The following PPFIBP2 variants were observed in gnomAD, a reference collection of about 807,000 sequenced individuals.
PPFIBP2 encodes PPFIB scaffold protein 2.
A neutral mutation model predicts 118.3 loss-of-function variants in PPFIBP2; 118 were observed. The ratio of observed to expected loss-of-function variants is 1.00; its 90% CI spans 0.86 to 1.16. The LOEUF (loss-of-function observed/expected upper bound fraction) is 1.16, where lower values mean the gene tolerates loss of function less well. Among genes scored for constraint, PPFIBP2 ranks in the 50% most tolerant of loss-of-function variants. The pLI, the probability that PPFIBP2 is intolerant of heterozygous loss-of-function variation, is 0.00. For synonymous variants in PPFIBP2, 414 were observed against 397.4 expected (o/e 1.04, Z -0.50); for missense variants, 1,195 against 1,073.1 (o/e 1.11, Z -1.59).
intron 9 of PPFIBP2, among the ~76,000 whole-genome samples, chr11:7,628,657 T>C (rs1052913576): frequency 6.6e-5 from 10 of 152,324 alleles, no homozygotes; most frequent in African/African-American, 2.4e-4. Context: ...CTGGAACTCC[T>C]AGCACAACAG....
chr11:7,636,554 G>A (rs1193414186), intron 14 of PPFIBP2, among the ~76,000 whole-genome samples: 1 of 152,058 alleles, frequency 6.6e-6, no homozygotes, highest in East Asian at 1.9e-4. Flanking sequence ...GGCGTCAGCT[G>A]TTAAATCGCT....
downstream of PPFIBP2, among the ~76,000 whole-genome samples, chr11:7,654,123 G>T (rs1373181850): frequency 1.6e-4 from 24 of 152,212 alleles, no homozygotes; most frequent in Admixed American, 1.6e-3. Context: ...CACCTTGCTG[G>T]AAAGACTCTC....
chr11:7,661,398 G>C (rs1319629765), downstream of PPFIBP2, among the ~76,000 whole-genome samples: 10 of 151,316 alleles, frequency 6.6e-5, no homozygotes, highest in Admixed American at 5.9e-4. Context: ...CCTTCATTTC[G>C]TTATGTTCCA....
chr11:7,589,588 T>G (rs995113714), intron 3 of PPFIBP2, among the ~76,000 whole-genome samples: 1 of 151,222 alleles, frequency 6.6e-6, no homozygotes, highest in Non-Finnish European at 1.5e-5. Context: ...CAAGACTCTG[T>G]CTCAAAAAGA....
chr11:7,630,952 A>G lies in PPFIBP2; in HGVS notation c.992A>G (p.Asn331Ser). The G allele has an allele frequency of 1.2e-6, 2 of 1,614,144 alleles. No homozygotes were observed. Among genetic ancestry groups the G allele is most frequent in the South Asian group, 1.1e-5 (1 of 91,078 alleles). Residue 331 changes from asparagine to serine, a missense_variant, in exon 11 of 24, where the codon AAT becomes AGT. Transcript: ENST00000299492. ...QGPSERTLSI[N>S]EEEPEGGFSK... ...CCTTCGGAGAGAACTCTCTCAATCA[A>G]TGAAGAAGAACCGGAGGGAGGTTTC... is the stretch of plus-strand genomic sequence containing the variant.
intron 7 of PPFIBP2, among the ~76,000 whole-genome samples, chr11:7,623,230 G>A (rs1046588322): frequency 6.6e-6 from 1 of 152,110 alleles, no homozygotes; most frequent in African/African-American, 2.4e-5. Context: ...GTCTCTGAAG[G>A]GGATTCATCT....
Position 7,518,840 on chromosome 11 carries a change from TG to T in PPFIBP2, c.-37+4723del, listed in dbSNP as rs919753189. The stretch of plus-strand genomic sequence containing the variant: ...TCTAGCACTGGCGCTGAAGTGAGGG[TG>T]GGGCATGAGCCAAAGATGGCGCTCG... On this transcript the variant is annotated intron_variant, in intron 1 of 23. Transcript: ENST00000299492. Among the ~76,000 whole-genome samples, 8 of 152,060 alleles carry T rather than the reference TG, an allele frequency of 5.3e-5. 1 individual carries two copies. The highest frequency in any genetic ancestry group is 3.3e-4 in the Admixed American group (5 of 15,262).
intron 5 of PPFIBP2, among the ~76,000 whole-genome samples, chr11:7,599,028 T>C (rs911913913): frequency 2.9e-4 from 44 of 150,814 alleles, no homozygotes; most frequent in African/African-American, 8.6e-4. Context: ...CATTTGATTT[T>C]CTACTTAGGT....
chr11:7,518,048 C>T (rs1849395199), intron 1 of PPFIBP2, among the ~76,000 whole-genome samples: 1 of 152,236 alleles, frequency 6.6e-6, no homozygotes, highest in African/African-American at 2.4e-5. Context: ...TAGGAGGCTT[C>T]TGTGTGGAGC....
chr11:7,568,526 T>C (rs956726818), intron 3 of PPFIBP2, among the ~76,000 whole-genome samples: 1 of 152,168 alleles, frequency 6.6e-6, no homozygotes, highest in African/African-American at 2.4e-5. Flanking sequence ...TTAGCTGCAG[T>C]GGCCAGAATT....
chr11:7,656,581 C>G (rs1362203133), downstream of PPFIBP2: 1 of 399,586 alleles, frequency 2.5e-6, no homozygotes, highest in East Asian at 7.4e-5. Context: ...ACCCAATACT[C>G]AGGGTTTCTT....
downstream of PPFIBP2, chr11:7,655,277 C>A: frequency 2.4e-6 from 1 of 425,190 alleles, no homozygotes; most frequent in Non-Finnish European, 4.5e-6. Flanking sequence ...CTCCACCCAC[C>A]TGTCACTCCT....
At chr11:7,599,159 G>GA (rs1256851806) in intron 5 of PPFIBP2, among the ~76,000 whole-genome samples, 3 of 151,518 alleles carry the variant, frequency 2.0e-5, no homozygotes, top group African/African-American at 4.9e-5. Flanking sequence ...TAGCCTGATG[G>GA]AAAAAAATCT....
chr11:7,607,055 T>C (rs1158509197), intron 5 of PPFIBP2, among the ~76,000 whole-genome samples: 1 of 149,346 alleles, frequency 6.7e-6, no homozygotes, highest in Non-Finnish European at 1.5e-5. Context: ...GGACTACAGG[T>C]GCCCACCACC....
chr11:7,549,690 T>A, intron 2 of PPFIBP2, 151 bp downstream of exon 2: 1 of 819,012 alleles, frequency 1.2e-6, no homozygotes. Flanking sequence ...ATGTAATCTC[T>A]TTTTTTTCTT....
intron 10 of PPFIBP2, among the ~76,000 whole-genome samples, chr11:7,630,653 G>A (rs1335062089): frequency 1.3e-5 from 2 of 152,148 alleles, no homozygotes; most frequent in African/African-American, 2.4e-5. Context: ...GTCACTCTCA[G>A]GGCCTTGATT....
rs542662933 is a variant in PPFIBP2 at position 7,644,214 on chromosome 11, A to G, written c.1646+1788A>G. Among the ~76,000 whole-genome samples, 11 of 152,252 alleles carry G rather than the reference A, an allele frequency of 7.2e-5. No homozygotes were observed. The South Asian group carries it at 2.3e-3, about 32-fold the overall frequency. On this transcript the variant is annotated intron_variant, in intron 17 of 23. Coordinates refer to ENST00000299492, the MANE Select transcript of PPFIBP2 (RefSeq NM_003621.5). ...CAAAGTATTTTTAGGTTTGTAGCAG[A>G]ATTTTACTTTTGCTTCTGATACTTT...
At position 7,648,901 on chromosome 11, in the gene PPFIBP2, T is replaced by G. The variant is rs757629248; in HGVS notation, c.1899T>G (p.Ile633Met). ...AGAAGTCTGCACTGCTAGACCACAT[T>G]TGGGTGACAAGTAAGGATAGGCATA... Reference protein sequence around the residue: ...QEEKSALLDHIWVTRWLDDIG... With the variant: ...QEEKSALLDHMWVTRWLDDIG... The change falls in exon 19 of 24, where the codon ATT becomes ATG. Residue 633 changes from isoleucine (I) to methionine (M), a missense_variant. Physicochemically the swap from Ile to Met is conservative, Grantham distance 10 (BLOSUM62 1). Transcript: ENST00000299492. 2.5e-6 allele frequency: 4 copies of G among 1,613,318 alleles called. No individual in the cohort carries two copies. The highest frequency in any genetic ancestry group is 3.4e-6 in the Non-Finnish European group (4 of 1,179,370).
At chr11:7,607,356 C>T (rs1432767617) in intron 5 of PPFIBP2, among the ~76,000 whole-genome samples, 1 of 151,030 alleles carries the variant, frequency 6.6e-6, no homozygotes, top group Non-Finnish European at 1.5e-5. Flanking sequence ...TACTTGAGGC[C>T]CATGCCACCA....
Sources: allele counts gnomAD v4.1 joint callset (sites outside exome capture counted in the v4.1 genomes callset), GRCh38; gene constraint gnomAD v4.1.1; transcripts MANE v1.5; gene names NCBI Gene and HGNC (gene_info 2026-07-23, HGNC 2026-07-21).